The following NEDD4 variants were observed in gnomAD, a reference collection of about 807,000 sequenced individuals.
The protein encoded by NEDD4 is NEDD4 E3 ubiquitin protein ligase, also known as E3 ubiquitin-protein ligase NEDD4.
In NEDD4, 99 loss-of-function variants were observed where a neutral mutation model predicts 144.9. The observed-to-expected ratio is 0.68, with a 90% confidence interval of 0.58 to 0.81. The LOEUF (loss-of-function observed/expected upper bound fraction) is 0.81, where lower values mean the gene tolerates loss of function less well. NEDD4 is among the 30% of genes least tolerant of loss of function. The probability of loss-of-function intolerance (pLI) is 0.00; values close to 1 mark genes in which losing one functional copy is unlikely to be tolerated. For missense variants in NEDD4, 985 were observed against 1,065.9 expected, an observed-to-expected ratio of 0.92 and a Z score of 1.06; for synonymous variants, 318 against 350.6, an observed-to-expected ratio of 0.91 and a Z score of 1.04.
chr15:55,831,780 A>T (rs1346263700), intron 27 of NEDD4, among the ~76,000 whole-genome samples: 1 of 152,224 alleles, frequency 6.6e-6, no homozygotes, highest in African/African-American at 2.4e-5. Flanking sequence ...TCAGCTTAGC[A>T]ATTTCCTAGG....
At chr15:55,970,681 G>T (rs1201014669) in intron 1 of NEDD4, among the ~76,000 whole-genome samples, 4 of 152,252 alleles carry the variant, frequency 2.6e-5, no homozygotes, top group South Asian at 2.1e-4. Context: ...AGACCAGCAA[G>T]TTGGTGCCTC....
intron 2 of NEDD4, among the ~76,000 whole-genome samples, chr15:55,952,098 G>T (rs2037250968): frequency 6.6e-6 from 1 of 151,888 alleles, no homozygotes; most frequent in Admixed American, 6.6e-5. Flanking sequence ...GGAGGCCGAG[G>T]CGGGCGGATC....
In NEDD4 at chr15:55,848,421, C is replaced by T; in HGVS notation, c.1493G>A (p.Arg498Lys). 6.2e-7 allele frequency: 1 copy of T among 1,614,022 alleles called. No individual in the cohort carries two copies. The highest frequency in any genetic ancestry group is 8.5e-7 in the Non-Finnish European group (1 of 1,179,970). The change falls in exon 17 of 29, where the codon AGA becomes AAA. Residue 498 changes from arginine to lysine, a missense_variant. Coordinates refer to ENST00000435532, the MANE Select transcript of NEDD4 (RefSeq NM_006154.4). ...CAACCGAGGATCTTCCCATTGTGTT[C>T]TTTTTATATCTGAAGGGAAGAAAAA... ...RIFYINHNIK[R>K]TQWEDPRLEN...
intron 5 of NEDD4, among the ~76,000 whole-genome samples, chr15:55,900,520 TG>T (rs1358986286): frequency 1.3e-5 from 2 of 152,188 alleles, no homozygotes; most frequent in African/African-American, 4.8e-5. Context: ...TACCACCTGT[TG>T]CTAATATTTA....
chr15:55,933,879 G>A (rs2036831121), intron 4 of NEDD4, among the ~76,000 whole-genome samples: 1 of 152,016 alleles, frequency 6.6e-6, no homozygotes, highest in Non-Finnish European at 1.5e-5. Flanking sequence ...CTTGGCTGGA[G>A]GCAGTGGTTC....
chr15:55,896,656 C>T (rs1254474321), intron 5 of NEDD4, among the ~76,000 whole-genome samples: 1 of 152,146 alleles, frequency 6.6e-6, no homozygotes, highest in African/African-American at 2.4e-5. Flanking sequence ...CTTCTAGAGT[C>T]AGGCTCCAGG....
chr15:55,915,687 TG>T, intron 5 of NEDD4: 1 of 1,614,008 alleles, frequency 6.2e-7, no homozygotes, highest in African/African-American at 1.3e-5. Context: ...TGCTTTTCGT[TG>T]GGTGAAATGC....
At chr15:55,864,281 G>A (rs1421790685) in intron 8 of NEDD4, among the ~76,000 whole-genome samples, 2 of 152,084 alleles carry the variant, frequency 1.3e-5, no homozygotes, top group African/African-American at 4.8e-5. Flanking sequence ...ATAAGGGAAA[G>A]ACATAGTCTG....
chr15:55,831,076 C>T (rs2032927693), intron 27 of NEDD4, among the ~76,000 whole-genome samples: 1 of 152,066 alleles, frequency 6.6e-6, no homozygotes, highest in South Asian at 2.1e-4. Context: ...TGTGCCACCA[C>T]ACCCAGCTAA....
rs796609402 is a variant in NEDD4, at chr15:55,834,363, T to C, written c.2263-77A>G. On this transcript the variant is annotated intron_variant, in intron 24 of 28. Transcript: ENST00000435532. ...CTATGCCTCAGCTTCTGGATGCTAC[T>C]GGAGGAATCCCACATCCACACAAGT... 2.7e-5 allele frequency: 23 copies of C among 857,288 alleles called. 4 individuals are homozygous for C. In the African/African-American group the frequency reaches 3.9e-4, roughly 14 times the overall value. 53.1% of individuals were successfully genotyped at this position (857,288 alleles called of 1,614,324 possible).
At chr15:55,952,227 G>A (rs1449875325) in intron 2 of NEDD4, among the ~76,000 whole-genome samples, 2 of 151,792 alleles carry the variant, frequency 1.3e-5, no homozygotes, top group Non-Finnish European at 2.9e-5. Context: ...ACAACTACTC[G>A]GGAGGCTGAG....
chr15:55,848,013 AGGG>A (rs1246443758), intron 17 of NEDD4, among the ~76,000 whole-genome samples: 1 of 152,108 alleles, frequency 6.6e-6, no homozygotes, highest in Non-Finnish European at 1.5e-5. Flanking sequence ...TGGAGTGGAT[AGGG>A]TGCTGCTGCT....
In NEDD4 at chr15:55,961,642, T is replaced by C. The variant is rs1201126825; in HGVS notation, c.119+4831A>G. Among the ~76,000 whole-genome samples, 3 of 152,050 alleles carry C rather than the reference T, an allele frequency of 2.0e-5. No homozygotes were observed. The East Asian group carries it at 5.8e-4, about 29-fold the overall frequency. On this transcript the variant is annotated intron_variant, in intron 2 of 28. Coordinates refer to ENST00000435532, the MANE Select transcript of NEDD4 (RefSeq NM_006154.4). ...CCCACCACCACACCCGGATAATTTT[T>C]TGTATTTTTAGTAGAGACAGGTTTC...
In NEDD4 at chr15:55,842,160, C is replaced by A; in HGVS notation, c.1612G>T (p.Asp538Tyr). 1 of 1,613,568 alleles carries A rather than the reference C, an allele frequency of 6.2e-7. No homozygotes were observed. The highest frequency in any genetic ancestry group is 1.1e-5 in the South Asian group (1 of 91,056). ...TTCATTTCAAATTTGTTTGGAATGT[C>A]ATTCTGAAAATCCAGAGGAGAGACG... ...FFRRKLKKQN[D>Y]IPNKFEMKLR... Residue 538 changes from aspartate to tyrosine, a missense_variant, in exon 19 of 29, where the codon GAC (aspartate) becomes TAC (tyrosine). Coordinates refer to ENST00000435532, the MANE Select transcript of NEDD4 (RefSeq NM_006154.4).
rs186306115 is a variant in NEDD4, at chr15:55,837,036, T to C, written c.2262+753A>G. 3.3e-5 allele frequency among the ~76,000 whole-genome samples: 5 copies of C among 152,144 alleles called. No individual in the cohort carries two copies. The East Asian group carries it at 7.7e-4, about 24-fold the overall frequency. On this transcript the variant is annotated intron_variant, in intron 24 of 28. Coordinates refer to ENST00000435532, the MANE Select transcript of NEDD4 (RefSeq NM_006154.4). ...ACAATCTGTCTACCAATTGGAAAAA[T>C]TTAAGTAACTTTTTAATTTATATTC... is the stretch of plus-strand genomic sequence containing the variant.
chr15:55,846,389 C>A (rs1471037916), intron 18 of NEDD4, among the ~76,000 whole-genome samples: 1 of 152,170 alleles, frequency 6.6e-6, no homozygotes, highest in Non-Finnish European at 1.5e-5. Context: ...AGGAATGAAA[C>A]AGATGGCCAG....
chr15:55,911,253 G>A (rs2036263612), intron 5 of NEDD4, among the ~76,000 whole-genome samples: 1 of 152,102 alleles, frequency 6.6e-6, no homozygotes, highest in African/African-American at 2.4e-5. Flanking sequence ...GTGGAGGCCA[G>A]GGATGCTGTT....
At chr15:55,978,567 C>A (rs1332885483) in intron 1 of NEDD4, among the ~76,000 whole-genome samples, 3 of 152,148 alleles carry the variant, frequency 2.0e-5, no homozygotes, top group Admixed American at 6.5e-5. Flanking sequence ...TAACAGAAAT[C>A]TGGATAGTGC....
intron 21 of NEDD4, among the ~76,000 whole-genome samples, chr15:55,839,973 C>A (rs1216236222): frequency 8.3e-5 from 1 of 12,118 alleles, no homozygotes; most frequent in Non-Finnish European, 1.3e-4. Context: ...CACTCTGTCT[C>A]AAAAAAAAAA....
Sources: gnomAD v4.1 joint callset for allele counts (sites outside exome capture counted in the v4.1 genomes callset) on GRCh38, gnomAD v4.1.1 for gene constraint, MANE v1.5 for transcripts, NCBI Gene and HGNC (gene_info 2026-07-23, HGNC 2026-07-21) for gene names.